Variants in SLCO3A1 observed in about 807,000 individuals in gnomAD.
The protein encoded by SLCO3A1 is PGE1 transporter.
Under a neutral mutation model 63.1 loss-of-function variants are expected in SLCO3A1, and 27 were observed. That is an observed-to-expected ratio of 0.43 (90% CI 0.32 to 0.59). SLCO3A1 has a LOEUF of 0.59. Ranked by LOEUF, SLCO3A1 falls within the 20% of genes least tolerant of loss-of-function variation. The probability of loss-of-function intolerance (pLI) is 0.09; values close to 1 mark genes in which losing one functional copy is unlikely to be tolerated. For missense variants in SLCO3A1, 773 were observed against 945.8 expected, an observed-to-expected ratio of 0.82 and a Z score of 2.40; for synonymous variants, 473 against 409.9, an observed-to-expected ratio of 1.15 and a Z score of -1.86.
intron 1 of SLCO3A1, among the ~76,000 whole-genome samples, chr15:91,893,612 A>T (rs531447167): frequency 1.3e-5 from 2 of 152,242 alleles, no homozygotes; most frequent in African/African-American, 4.8e-5. Context: ...ATACTATCAC[A>T]TTGGTGGTTA....
intron 2 of SLCO3A1, among the ~76,000 whole-genome samples, chr15:92,057,553 C>G (rs566389107): frequency 9.8e-5 from 15 of 152,296 alleles, no homozygotes; most frequent in Non-Finnish European, 1.5e-4. Context: ...GAGACCAGTC[C>G]ATCTGTGAGG....
intron 2 of SLCO3A1, among the ~76,000 whole-genome samples, chr15:91,936,909 A>C (rs943499048): frequency 6.6e-6 from 1 of 152,190 alleles, no homozygotes; most frequent in African/African-American, 2.4e-5. Context: ...GGTTCCACAA[A>C]TATGGTCACT....
intron 8 of SLCO3A1, among the ~76,000 whole-genome samples, chr15:92,147,462 G>C (rs1005267201): frequency 1.3e-5 from 2 of 152,134 alleles, no homozygotes; most frequent in Non-Finnish European, 2.9e-5. Flanking sequence ...CCTCGTTGGA[G>C]GAAAATGAAA....
At chr15:91,963,418 G>GA (rs1567041137) in intron 2 of SLCO3A1, among the ~76,000 whole-genome samples, 1 of 130,582 alleles carries the variant, frequency 7.7e-6, no homozygotes, top group Admixed American at 7.9e-5. Context: ...TGGGGGGGGG[G>GA]GGCGGCAGCA....
At chr15:92,066,898 T>G (rs1300208623) in intron 2 of SLCO3A1, among the ~76,000 whole-genome samples, 1 of 152,158 alleles carries the variant, frequency 6.6e-6, no homozygotes, top group African/African-American at 2.4e-5. Flanking sequence ...ATATTGCAAC[T>G]TCTCTGTGCG....
intron 2 of SLCO3A1, among the ~76,000 whole-genome samples, chr15:91,939,641 G>A (rs1186138590): frequency 6.6e-6 from 1 of 152,120 alleles, no homozygotes; most frequent in African/African-American, 2.4e-5. Context: ...AGGTCAGCAG[G>A]CAGTGACAGA....
intron 7 of SLCO3A1, among the ~76,000 whole-genome samples, chr15:92,143,785 A>AAAAC (rs561183480): frequency 2.9e-3 from 435 of 152,014 alleles, no homozygotes; most frequent in African/African-American, 0.01. Flanking sequence ...AACTGTCAGG[A>AAAAC]AAACAGTGTT....
At chr15:91,991,943 A>G (rs914067515) in intron 2 of SLCO3A1, among the ~76,000 whole-genome samples, 1 of 152,242 alleles carries the variant, frequency 6.6e-6, no homozygotes, top group Non-Finnish European at 1.5e-5. Flanking sequence ...GTGAGTCCAA[A>G]TATGACAAAA....
intron 2 of SLCO3A1, among the ~76,000 whole-genome samples, chr15:91,975,376 C>G (rs1188190835): frequency 6.6e-6 from 1 of 152,220 alleles, no homozygotes; most frequent in East Asian, 1.9e-4. Context: ...ATGCAGTGTC[C>G]CCTGCAGTTG....
rs112387202 is a variant in SLCO3A1, at chr15:92,007,732, T to C, written c.647-87149T>C. Among the ~76,000 whole-genome samples, 514 of 152,278 alleles carry C rather than the reference T, an allele frequency of 3.4e-3. 4 individuals carry two copies. The highest frequency in any genetic ancestry group is 0.012 in the African/African-American group (478 of 41,564). On this transcript the variant is annotated intron_variant, in intron 2 of 9. Coordinates refer to ENST00000318445, the MANE Select transcript of SLCO3A1 (RefSeq NM_013272.4). ...GGAAGGAAAGTAGTATACTTCTTTT[T>C]CCTGTTCTGTAAGTTTTGGGGCATC...
chr15:92,082,569 A>T (rs1047531738), intron 2 of SLCO3A1, among the ~76,000 whole-genome samples: 2 of 152,236 alleles, frequency 1.3e-5, no homozygotes, highest in African/African-American at 4.8e-5. Context: ...TAGGGAGACC[A>T]GCCATGCACG....
Position 92,147,221 on chromosome 15 carries a change from C to T in SLCO3A1, c.1688+62C>T, listed in dbSNP as rs74028829. 2,529 of 1,507,028 alleles carry T rather than the reference C, an allele frequency of 1.7e-3. 44 individuals are homozygous for T. The African/African-American group carries it at 0.031, about 19-fold the overall frequency. 93.4% of individuals were successfully genotyped at this position (1,507,028 alleles called of 1,614,324 possible). On this transcript the variant is annotated intron_variant, in intron 8 of 9. Transcript: ENST00000318445. ...CACCTGGTGTTCATCTGCAGGCCTCCTAGGGACCAGAGCTTCAGACAACAG... is the reference window on the plus strand; with the variant it reads ...CACCTGGTGTTCATCTGCAGGCCTCTTAGGGACCAGAGCTTCAGACAACAG...
rs1308249088 is a variant in SLCO3A1 at position 91,873,698 on chromosome 15, A to G, written c.180+19610A>G. On this transcript the variant is annotated intron_variant, in intron 1 of 9. Coordinates refer to ENST00000318445, the MANE Select transcript of SLCO3A1 (RefSeq NM_013272.4). ...TTCCCTATAAAACTGCAACCCTACT[A>G]TCACTCCTAACAAAATTAAGTAGTC... 2.6e-5 allele frequency among the ~76,000 whole-genome samples: 4 copies of G among 152,168 alleles called. No homozygotes were observed. In the East Asian group the frequency reaches 7.7e-4, roughly 29 times the overall value.
intron 2 of SLCO3A1, among the ~76,000 whole-genome samples, chr15:92,063,628 C>T (rs997330323): frequency 2.0e-5 from 3 of 152,152 alleles, no homozygotes; most frequent in South Asian, 2.1e-4. Context: ...GGGAGGCTGA[C>T]GTGGATGGAT....
intron 2 of SLCO3A1, among the ~76,000 whole-genome samples, chr15:91,970,109 T>TA (rs143323606): frequency 0.018 from 2,738 of 152,294 alleles, 93 homozygotes; most frequent in African/African-American, 0.061. Context: ...AAAAAAAACT[T>TA]ACAGCCTTAA....
At chr15:91,913,398 A>C (rs772155211) in intron 1 of SLCO3A1, among the ~76,000 whole-genome samples, 2 of 152,206 alleles carry the variant, frequency 1.3e-5, no homozygotes, top group Non-Finnish European at 1.5e-5. Context: ...GAGCTTTGAA[A>C]GCGTCCTAGG....
In SLCO3A1 at chr15:92,164,299, A is replaced by AAT; in HGVS notation, c.*1165_*1166dup. On this transcript the variant is annotated 3_prime_UTR_variant, in exon 10 of 10. Transcript: ENST00000318445. ...ATATTCTACAAAAACAAGAATATAC[A>AAT]ATGTGTTACAAGAAGAAAAAAAAAT... 2.0e-6 allele frequency: 2 copies of AAT among 984,324 alleles called. No individual in the cohort carries two copies. The highest frequency in any genetic ancestry group is 2.4e-6 in the Non-Finnish European group (2 of 828,916). 61.0% of individuals were successfully genotyped at this position (984,324 alleles called of 1,614,324 possible). A position where few individuals can be genotyped will look rare whatever the true frequency, so the allele number is the denominator to read the frequency against.
At chr15:91,905,633 G>GT (rs777143660) in intron 1 of SLCO3A1, among the ~76,000 whole-genome samples, 11 of 148,104 alleles carry the variant, frequency 7.4e-5, no homozygotes, top group Non-Finnish European at 1.2e-4. Context: ...TTAGTTTTTT[G>GT]TTTTTTTTTT....
At chr15:91,952,724 T>G (rs1421464432) in intron 2 of SLCO3A1, among the ~76,000 whole-genome samples, 1 of 152,218 alleles carries the variant, frequency 6.6e-6, no homozygotes, top group Non-Finnish European at 1.5e-5. Context: ...TGCAGAGCCC[T>G]GTAAACATGG....
Sources: gnomAD v4.1 joint callset for allele counts (sites outside exome capture counted in the v4.1 genomes callset) on GRCh38, gnomAD v4.1.1 for gene constraint, MANE v1.5 for transcripts, NCBI Gene and HGNC (gene_info 2026-07-23, HGNC 2026-07-21) for gene names.